DENND1B: variants seen among roughly 807,000 people sequenced by gnomAD.
The protein encoded by DENND1B is DENN domain-containing protein 1B.
A neutral mutation model predicts 90.1 loss-of-function variants in DENND1B; 59 were observed. The ratio of observed to expected loss-of-function variants is 0.65; its 90% CI spans 0.53 to 0.81. DENND1B has a LOEUF of 0.81. Ranked by LOEUF, DENND1B falls within the 40% of genes least tolerant of loss-of-function variation. The pLI, the probability that DENND1B is intolerant of heterozygous loss-of-function variation, is 0.00. For missense variants in DENND1B, 862 were observed against 912.6 expected (o/e 0.94, Z 0.71); for synonymous variants, 337 against 324.6 (o/e 1.04, Z -0.41).
At chr1:197,778,798 T>C (rs1210399392), upstream of DENND1B, among the ~76,000 whole-genome samples, 4 of 152,232 alleles carry the variant, frequency 2.6e-5, no homozygotes, top group African/African-American at 7.2e-5. Flanking sequence ...TTTTGCATTC[T>C]TTAGGATTAC....
intron 14 of DENND1B, 27 bp downstream of exon 14, chr1:197,595,181 A>T: frequency 6.3e-7 from 1 of 1,589,662 alleles, no homozygotes; most frequent in Non-Finnish European, 8.5e-7. Context: ...AAAGCAAATT[A>T]AAACAGTGAT....
chr1:197,694,921 T>C (rs1209075101), intron 3 of DENND1B, among the ~76,000 whole-genome samples: 1 of 151,334 alleles, frequency 6.6e-6, no homozygotes, highest in Admixed American at 6.6e-5. Context: ...TTTTATTATC[T>C]AAAATGTACG....
chr1:197,541,249 A>G (rs1670315152), intron 18 of DENND1B, among the ~76,000 whole-genome samples: 2 of 152,322 alleles, frequency 1.3e-5, no homozygotes, highest in Non-Finnish European at 1.5e-5. Flanking sequence ...TATCATACAA[A>G]GGCTAACATT....
At chr1:197,616,919 C>T (rs189187755) in intron 11 of DENND1B, among the ~76,000 whole-genome samples, 11 of 150,982 alleles carry the variant, frequency 7.3e-5, no homozygotes, top group African/African-American at 2.4e-4. Flanking sequence ...CATTTCCCCC[C>T]CTAGTCTTGA....
At chr1:197,541,802 G>C (rs887977830) in intron 18 of DENND1B, among the ~76,000 whole-genome samples, 5 of 152,144 alleles carry the variant, frequency 3.3e-5, no homozygotes, top group Non-Finnish European at 7.4e-5. Context: ...CAACAATTCT[G>C]TAAGATTAGT....
intron 5 of DENND1B, among the ~76,000 whole-genome samples, chr1:197,665,309 G>A (rs573816606): frequency 7.9e-4 from 120 of 152,244 alleles, no homozygotes; most frequent in Non-Finnish European, 1.4e-3. Flanking sequence ...TCGGAACTCC[G>A]AGGTAAATGC....
intron 2 of DENND1B, among the ~76,000 whole-genome samples, chr1:197,726,894 CAT>C (rs1266758282): frequency 6.6e-6 from 1 of 152,148 alleles, no homozygotes; most frequent in African/African-American, 2.4e-5. Context: ...AACTTGTTAA[CAT>C]AAAACTATAA....
chr1:197,572,222 G>A (rs569860105), intron 15 of DENND1B, among the ~76,000 whole-genome samples: 3 of 152,252 alleles, frequency 2.0e-5, no homozygotes, highest in South Asian at 4.1e-4. Context: ...CAAATACTGC[G>A]CTTTTCCCAT....
rs573965743 is a variant in DENND1B, at chr1:197,512,949, C to T, written c.1520G>A (p.Arg507His). 2.1e-5 allele frequency: 33 copies of T among 1,608,796 alleles called. No homozygotes were observed. Among genetic ancestry groups the T allele is most frequent in the Non-Finnish European group, 2.6e-5 (31 of 1,177,144 alleles). Reference sequence around the variant, plus strand: ...AAGGCTCTTAAGAGGCCTTTTTAAGCGTGCCTGGAGAGAGAGATTGACAAT... The same window carrying T: ...AAGGCTCTTAAGAGGCCTTTTTAAGTGTGCCTGGAGAGAGAGATTGACAAT... The part of the protein sequence containing the change: ...NSEKRKLAQA[R>H]LKRPLKSLDG... The change falls in exon 21 of 23, where the codon CGC becomes CAC. Residue 507 changes from arginine (R) to histidine (H), a missense_variant. Coordinates refer to ENST00000620048, the MANE Select transcript of DENND1B (RefSeq NM_001195215.2).
chr1:197,667,096 T>A (rs1045354568), intron 5 of DENND1B, among the ~76,000 whole-genome samples: 1 of 149,790 alleles, frequency 6.7e-6, no homozygotes, highest in Non-Finnish European at 1.5e-5. Context: ...ATTGCGTCAC[T>A]GCATTCCAGC....
At chr1:197,539,052 G>T (rs1260532253) in intron 20 of DENND1B, among the ~76,000 whole-genome samples, 1 of 152,056 alleles carries the variant, frequency 6.6e-6, no homozygotes, top group East Asian at 1.9e-4. Context: ...CAGGTATTCT[G>T]GTACAGCAGC....
At chr1:197,607,236 G>A (rs1676767743) in intron 12 of DENND1B, 62 bp from the exon 13 acceptor site, 14 of 1,143,768 alleles carry the variant, frequency 1.2e-5, no homozygotes, top group Non-Finnish European at 1.7e-5. Context: ...GTTATGATGA[G>A]TTTGGAAACA....
At chr1:197,756,868 C>A (rs1415372185) in intron 2 of DENND1B, among the ~76,000 whole-genome samples, 3 of 151,168 alleles carry the variant, frequency 2.0e-5, no homozygotes, top group Non-Finnish European at 4.4e-5. Context: ...TGTAATACAT[C>A]TCTCATAATC....
At chr1:197,676,100 C>A (rs61829342) in intron 3 of DENND1B, among the ~76,000 whole-genome samples, 2 of 47,886 alleles carry the variant, frequency 4.2e-5, no homozygotes, top group African/African-American at 9.8e-5. Flanking sequence ...AAAAAAAATC[C>A]TCTCTCAGCT....
At chr1:197,681,063 C>G (rs1033084558) in intron 3 of DENND1B, among the ~76,000 whole-genome samples, 9 of 152,020 alleles carry the variant, frequency 5.9e-5, no homozygotes, top group African/African-American at 1.9e-4. Flanking sequence ...CAAGTGTTTA[C>G]TAAGTACAGT....
At chr1:197,661,200 G>C (rs998032316) in intron 5 of DENND1B, among the ~76,000 whole-genome samples, 6 of 151,854 alleles carry the variant, frequency 4.0e-5, no homozygotes, top group Admixed American at 1.3e-4. Context: ...ATTTTACTAT[G>C]TGTATCTTCC....
At chr1:197,698,825 T>C (rs1423160954) in intron 3 of DENND1B, among the ~76,000 whole-genome samples, 2 of 152,066 alleles carry the variant, frequency 1.3e-5, no homozygotes, top group Non-Finnish European at 2.9e-5. Context: ...AATGGATAAA[T>C]TCCTGGACAC....
intron 8 of DENND1B, among the ~76,000 whole-genome samples, chr1:197,646,417 T>C (rs1196150290): frequency 6.6e-6 from 1 of 151,966 alleles, no homozygotes; most frequent in Non-Finnish European, 1.5e-5. Context: ...AATACTTACA[T>C]AAAGAATACA....
At chr1:197,740,976 T>G (rs1663156175) in intron 2 of DENND1B, among the ~76,000 whole-genome samples, 2 of 152,136 alleles carry the variant, frequency 1.3e-5, no homozygotes. Flanking sequence ...TAAGTAAATT[T>G]AGTAGATCAA....
Sources: gnomAD v4.1 joint callset for allele counts (sites outside exome capture counted in the v4.1 genomes callset) on GRCh38, gnomAD v4.1.1 for gene constraint, MANE v1.5 for transcripts, NCBI Gene and HGNC (gene_info 2026-07-23, HGNC 2026-07-21) for gene names.